The following MYOM1 variants were observed in gnomAD, a reference collection of about 807,000 sequenced individuals.
The protein encoded by MYOM1 is myomesin-1.
A neutral mutation model predicts 205.3 loss-of-function variants in MYOM1; 164 were observed. That is an observed-to-expected ratio of 0.80 (90% CI 0.70 to 0.91). The LOEUF is 0.91. Ranked by LOEUF, MYOM1 falls within the 40% of genes least tolerant of loss-of-function variation. The probability of loss-of-function intolerance (pLI) is 0.00; values close to 1 mark genes in which losing one functional copy is unlikely to be tolerated. For synonymous variants in MYOM1, 772 were observed against 789.4 expected (o/e 0.98, Z 0.37); for missense variants, 2,011 against 2,127.3 (o/e 0.95, Z 1.08).
In MYOM1 at chr18:3,193,965, T is replaced by C; in HGVS notation, c.291-7A>G. On this transcript the variant is annotated splice_region_variant and splice_polypyrimidine_tract_variant and intron_variant, in intron 2 of 37. Transcript: ENST00000356443. ...CAGACTGGAATCTGTAAGTCTGAAA[T>C]AAACCACCTAACATCAGACAGTAAC... The C allele has an allele frequency of 6.2e-7, 1 of 1,612,826 alleles. No individual in the cohort carries two copies. Among genetic ancestry groups the C allele is most frequent in the Non-Finnish European group, 8.5e-7 (1 of 1,179,388 alleles).
chr18:3,161,970 C>T (rs1402165265), intron 10 of MYOM1, among the ~76,000 whole-genome samples: 4 of 152,086 alleles, frequency 2.6e-5, no homozygotes, highest in Non-Finnish European at 5.9e-5. Flanking sequence ...CATGTGATTA[C>T]CAGAAAACCT....
intron 2 of MYOM1, among the ~76,000 whole-genome samples, chr18:3,213,424 T>C (rs1464480415): frequency 6.6e-6 from 1 of 152,248 alleles, no homozygotes; most frequent in African/African-American, 2.4e-5. Context: ...TTTTTTTCTG[T>C]GGACTCTAGA....
chr18:3,171,644 T>G (rs1037366156), intron 8 of MYOM1, among the ~76,000 whole-genome samples: 1 of 152,158 alleles, frequency 6.6e-6, no homozygotes, highest in South Asian at 2.1e-4. Flanking sequence ...AAATCTAGGA[T>G]GTCTCTTGTT....
chr18:3,099,353 A>G (rs1028090081), intron 25 of MYOM1, among the ~76,000 whole-genome samples: 4 of 152,260 alleles, frequency 2.6e-5, no homozygotes, highest in African/African-American at 9.6e-5. Context: ...AGTCTGGAAT[A>G]GGAATATAGT....
rs921675331 is a variant in MYOM1, at chr18:3,155,460, G to A, written c.1502-372C>T. Among the ~76,000 whole-genome samples, 9 of 152,208 alleles carry A rather than the reference G, an allele frequency of 5.9e-5. No homozygotes were observed. In the South Asian group the frequency reaches 1.0e-3, roughly 18 times the overall value. On this transcript the variant is annotated intron_variant, in intron 10 of 37. Coordinates refer to ENST00000356443, the MANE Select transcript of MYOM1 (RefSeq NM_003803.4). ...AGGATGGTCTTGATCTCCTGACCTT[G>A]TGATCCGCCCGCCTCGGCCTCCCAA...
chr18:3,083,796 AC>A lies in MYOM1; in HGVS notation c.4476del (p.Trp1492CysfsTer70). On this transcript the variant is annotated frameshift_variant, in exon 33 of 38. Transcript: ENST00000356443. LOFTEE classifies it high-confidence loss of function. ...AAGTTCTCATTTACTTACTTGTGGGACCAGTTAACTTTCAAATCCTCCACAT... is the reference window on the plus strand; with the variant it reads ...AAGTTCTCATTTACTTACTTGTGGGACAGTTAACTTTCAAATCCTCCACAT... ...TYYVEDLKVN[W>X]SHNGSAIRYS... The A allele has an allele frequency of 6.4e-7, 1 of 1,567,520 alleles. No individual in the cohort carries two copies. Among genetic ancestry groups the A allele is most frequent in the Non-Finnish European group, 8.7e-7 (1 of 1,154,824 alleles).
At chr18:3,142,645 C>T (rs1213126851) in intron 13 of MYOM1, among the ~76,000 whole-genome samples, 2 of 152,022 alleles carry the variant, frequency 1.3e-5, no homozygotes, top group Non-Finnish European at 2.9e-5. Context: ...GAGGCCAGGT[C>T]AGGAGTGTTC....
intron 17 of MYOM1, 174 bp from the exon 18 acceptor site, chr18:3,129,693 A>G (rs943837184): frequency 8.8e-6 from 5 of 570,114 alleles, no homozygotes; most frequent in Non-Finnish European, 1.5e-5. Flanking sequence ...ATTTCACACA[A>G]TATACGCCAA....
At chr18:3,212,068 T>A (rs1051782982) in intron 2 of MYOM1, among the ~76,000 whole-genome samples, 1 of 152,208 alleles carries the variant, frequency 6.6e-6, no homozygotes, top group Non-Finnish European at 1.5e-5. Flanking sequence ...TGCACCTGTG[T>A]TCTAGGTCTA....
chr18:3,146,843 G>A lies in MYOM1; in HGVS notation c.1900+2302C>T, dbSNP rs189181883. 5.9e-5 allele frequency among the ~76,000 whole-genome samples: 9 copies of A among 151,714 alleles called. No individual in the cohort carries two copies. The East Asian group carries it at 1.7e-3, about 29-fold the overall frequency. On this transcript the variant is annotated intron_variant, in intron 13 of 37. Transcript: ENST00000356443. ...GTTAATTTATCTTTACTTATAGATG[G>A]CATAATCCTGTAATAGAAAATCCAT...
the MYOM1 span, among the ~76,000 whole-genome samples, chr18:3,233,447 G>A: frequency 2.0e-5 from 3 of 152,118 alleles, no homozygotes; most frequent in Admixed American, 6.5e-5. Context: ...CCCCTTACCC[G>A]CTTACTATCA....
chr18:3,210,492 G>T (rs2081178563), intron 2 of MYOM1, among the ~76,000 whole-genome samples: 1 of 152,162 alleles, frequency 6.6e-6, no homozygotes, highest in Non-Finnish European at 1.5e-5. Context: ...TGCTCTCTTA[G>T]AGTCCTTTGC....
At chr18:3,236,801 C>T in the MYOM1 span, among the ~76,000 whole-genome samples, 2,047 of 152,190 alleles carry the variant, frequency 0.013, 20 homozygotes, top group Middle Eastern at 0.027. Context: ...CTCAAAAGGA[C>T]GGCTGACAGA....
chr18:3,200,414 A>G (rs919714543), intron 2 of MYOM1, among the ~76,000 whole-genome samples: 2 of 152,238 alleles, frequency 1.3e-5, no homozygotes, highest in Non-Finnish European at 2.9e-5. Context: ...TGTTGGGTTT[A>G]GCAGACAAAG....
chr18:3,237,598 C>CAAAAAAAA, the MYOM1 span, among the ~76,000 whole-genome samples: 1 of 53,608 alleles, frequency 1.9e-5, no homozygotes, highest in Non-Finnish European at 3.4e-5. Flanking sequence ...GACTCCGTCT[C>CAAAAAAAA]AAAAAAAAAA....
At chr18:3,098,259 ATTTAT>A (rs1254155591) in intron 25 of MYOM1, among the ~76,000 whole-genome samples, 2 of 151,952 alleles carry the variant, frequency 1.3e-5, no homozygotes, top group African/African-American at 4.8e-5. Context: ...CTCTTACAGC[ATTTAT>A]TTTATTTTAT....
intron 25 of MYOM1, 73 bp from the exon 26 acceptor site, chr18:3,094,379 G>C: frequency 5.5e-5 from 44 of 796,880 alleles, no homozygotes; most frequent in East Asian, 6.9e-5. Context: ...TCCATCAAGT[G>C]AAAAAAAAAA....
chr18:3,246,141 T>C, the MYOM1 span: 1 of 152,394 alleles, frequency 6.6e-6, no homozygotes, highest in Non-Finnish European at 1.5e-5. Flanking sequence ...GTCCGTTTCT[T>C]TCTGCTCTAA....
chr18:3,086,756 T>C (rs2079159363), intron 29 of MYOM1, among the ~76,000 whole-genome samples: 1 of 152,190 alleles, frequency 6.6e-6, no homozygotes, highest in Non-Finnish European at 1.5e-5. Context: ...TTGAGTTTCA[T>C]CTACAATGCT....
Sources: allele counts gnomAD v4.1 joint callset (sites outside exome capture counted in the v4.1 genomes callset), GRCh38; gene constraint gnomAD v4.1.1; transcripts MANE v1.5; gene names NCBI Gene and HGNC (gene_info 2026-07-23, HGNC 2026-07-21).